AP2A2: variants seen among roughly 807,000 people sequenced by gnomAD.
The protein encoded by AP2A2 is AP-2 complex subunit alpha-2.
A neutral mutation model predicts 104.2 loss-of-function variants in AP2A2; 32 were observed. The ratio of observed to expected loss-of-function variants is 0.31; its 90% confidence interval spans 0.23 to 0.41. The LOEUF (loss-of-function observed/expected upper bound fraction) is 0.41, where lower values mean the gene tolerates loss of function less well. AP2A2 is among the 10% of genes least tolerant of loss of function. AP2A2 has a pLI of 1.00. For missense variants in AP2A2, 912 were observed against 1,261.0 expected, an observed-to-expected ratio of 0.72 and a Z score of 4.19; for synonymous variants, 539 against 533.3, an observed-to-expected ratio of 1.01 and a Z score of -0.15.
At chr11:928,910 C>T (rs1853203105) in intron 1 of AP2A2, among the ~76,000 whole-genome samples, 1 of 152,150 alleles carries the variant, frequency 6.6e-6, no homozygotes, top group East Asian at 1.9e-4. Flanking sequence ...GGCCCCATCT[C>T]CCCCACTGCC....
intron 1 of AP2A2, chr11:933,436 C>T: frequency 2.3e-6 from 1 of 435,326 alleles, no homozygotes. Flanking sequence ...TCTTGAAAAG[C>T]AGTATGTGCA....
chr11:959,057 G>A (rs1253282332), intron 1 of AP2A2, among the ~76,000 whole-genome samples: 1 of 152,242 alleles, frequency 6.6e-6, no homozygotes, highest in African/African-American at 2.4e-5. Flanking sequence ...AAACCTCCGT[G>A]TTATTAGCGG....
chr11:966,263 C>T (rs1854614076), intron 2 of AP2A2, among the ~76,000 whole-genome samples: 1 of 152,142 alleles, frequency 6.6e-6, no homozygotes, highest in South Asian at 2.1e-4. Context: ...GAGGCCGAGG[C>T]AGGCAGATCA....
chr11:960,929 A>G (rs189578302), intron 2 of AP2A2, among the ~76,000 whole-genome samples: 1 of 150,722 alleles, frequency 6.6e-6, no homozygotes, highest in Non-Finnish European at 1.5e-5. Context: ...AGAGTGCTGG[A>G]ATTACAGGCG....
At chr11:973,371 A>T (rs1254094764) in intron 4 of AP2A2, among the ~76,000 whole-genome samples, 1 of 152,122 alleles carries the variant, frequency 6.6e-6, no homozygotes, top group Non-Finnish European at 1.5e-5. Context: ...ATCAGCTGTG[A>T]GGTGAGGACG....
Position 992,812 on chromosome 11 carries a change from C to T in AP2A2, c.1452+127C>T, listed in dbSNP as rs865842751. ...TGCTGACCCCTCTTGCCCCTCAGCT[C>T]TTCCCTGAGGCTCTAGCTCCTCCAC... On this transcript the variant is annotated intron_variant, in intron 11 of 21. Coordinates refer to ENST00000448903, the MANE Select transcript of AP2A2 (RefSeq NM_012305.4). This position sits in a 1 kb window ranked among gnomAD's most constrained non-coding sequence, Gnocchi z 6.4. The T allele has an allele frequency of 1.5e-5, 14 of 955,144 alleles. No homozygotes were observed. Among genetic ancestry groups the T allele is most frequent in the Middle Eastern group, 6.4e-4 (2 of 3,148 alleles). The allele number at this position is 955,144 out of a possible 1,614,324, so 59.2% of individuals were successfully genotyped here. A position where few individuals can be genotyped will look rare whatever the true frequency, so the allele number is the denominator to read the frequency against.
chr11:981,239 A>G lies in AP2A2; in HGVS notation c.645A>G (p.Ala215=). 6.2e-7 allele frequency: 1 copy of G among 1,613,714 alleles called. No individual in the cohort carries two copies. The highest frequency in any genetic ancestry group is 2.2e-5 in the East Asian group (1 of 44,884). The change falls in exon 6 of 22, where the codon GCA becomes GCG. Residue 215 remains alanine, a synonymous_variant. Transcript: ENST00000448903. ...CCACAAGTCTGATCACCACTTTAGC[A>G]CAGAAGAACCCAGAAGAGTTTAAAA... The part of the protein sequence containing the change: ...TAATSLITTL[A]QKNPEEFKTS...
intron 1 of AP2A2, among the ~76,000 whole-genome samples, chr11:954,498 ATTTGTG>A (rs764518061): frequency 4.0e-5 from 6 of 150,990 alleles, no homozygotes; most frequent in Non-Finnish European, 8.9e-5. Context: ...TATATGTTGT[ATTTGTG>A]TTTGTGTACG....
intron 2 of AP2A2, among the ~76,000 whole-genome samples, chr11:966,243 A>G (rs1854613402): frequency 1.3e-5 from 2 of 152,212 alleles, no homozygotes; most frequent in Non-Finnish European, 2.9e-5. Flanking sequence ...CTATAATCCT[A>G]GCACTTTGGG....
chr11:936,251 C>A (rs143182022), intron 1 of AP2A2, among the ~76,000 whole-genome samples: 3 of 134,126 alleles, frequency 2.2e-5, no homozygotes, highest in Non-Finnish European at 4.7e-5. Context: ...GTCTTGCTGT[C>A]GCCCAGGCTG....
chr11:966,347 A>C (rs1396909586), intron 2 of AP2A2, among the ~76,000 whole-genome samples: 1 of 152,090 alleles, frequency 6.6e-6, no homozygotes, highest in Admixed American at 6.5e-5. Flanking sequence ...AAGTACAAAA[A>C]ATTAGCCGTG....
At chr11:996,462 CTTATTTGATG>C (rs1855861278) in intron 14 of AP2A2, among the ~76,000 whole-genome samples, 1 of 152,174 alleles carries the variant, frequency 6.6e-6, no homozygotes, top group South Asian at 2.1e-4. Context: ...CTCTTTGGTT[CTTATTTGATG>C]TTTCTTTTTA....
At chr11:1,002,900 G>A (rs965865486) in intron 15 of AP2A2, among the ~76,000 whole-genome samples, 1 of 152,174 alleles carries the variant, frequency 6.6e-6, no homozygotes, top group South Asian at 2.1e-4. Context: ...GGGAGGGGGC[G>A]GTGCCATGAC....
chr11:935,059 A>ATTTT (rs35731432), intron 1 of AP2A2, among the ~76,000 whole-genome samples: 5 of 134,858 alleles, frequency 3.7e-5, no homozygotes, highest in South Asian at 2.4e-4. Flanking sequence ...GGGTTTCACC[A>ATTTT]TTTTTTTTTT....
At chr11:1,004,276 T>A (rs6597949) in intron 16 of AP2A2, among the ~76,000 whole-genome samples, 1 of 151,878 alleles carries the variant, frequency 6.6e-6, no homozygotes, top group Non-Finnish European at 1.5e-5. Flanking sequence ...AGTTCGAGAC[T>A]GGCCTGGCTA....
In AP2A2 at chr11:993,919, C is replaced by T. The variant is rs529892312; in HGVS notation, c.1716C>T (p.Asp572=). ...GCGACAGCCAGCTCAGGAACGCAGACGTGGAGCTGCAGCAGCGTGCTGTGG... is the reference window on the plus strand; with the variant it reads ...GCGACAGCCAGCTCAGGAACGCAGATGTGGAGCTGCAGCAGCGTGCTGTGG... ...LRSDSQLRNA[D]VELQQRAVEY... The change falls in exon 13 of 22, where the codon GAC becomes GAT. Residue 572 remains aspartate (D), a synonymous_variant. Coordinates refer to ENST00000448903, the MANE Select transcript of AP2A2 (RefSeq NM_012305.4). This position sits in a 1 kb window ranked among gnomAD's most constrained non-coding sequence, Gnocchi z 8.2. 3.9e-5 allele frequency: 63 copies of T among 1,612,010 alleles called. No homozygotes were observed. Among genetic ancestry groups the T allele is most frequent in the East Asian group, 4.5e-5 (2 of 44,858 alleles).
At chr11:945,485 A>G (rs1234985109) in intron 1 of AP2A2, among the ~76,000 whole-genome samples, 1 of 152,134 alleles carries the variant, frequency 6.6e-6, no homozygotes, top group Non-Finnish European at 1.5e-5. Context: ...GAGTGCTGCC[A>G]CCACGCCTGG....
chr11:994,179 C>T lies in AP2A2; in HGVS notation c.1890C>T (p.Thr630=). Residue 630 remains threonine (T), a synonymous_variant, in exon 14 of 22, where the codon ACC becomes ACT. Transcript: ENST00000448903. ...GPSTVTDLED[T]KRDRSVDVNG... ...GCACGGTGACAGACCTGGAGGACAC[C>T]AAGCGGGACAGGAGTGTGGACGTGA... The T allele has an allele frequency of 1.9e-6, 3 of 1,613,050 alleles. No individual in the cohort carries two copies. The highest frequency in any genetic ancestry group is 2.5e-6 in the Non-Finnish European group (3 of 1,179,860).
At chr11:973,130 G>A (rs568080499) in intron 4 of AP2A2, among the ~76,000 whole-genome samples, 9 of 152,316 alleles carry the variant, frequency 5.9e-5, no homozygotes, top group African/African-American at 1.7e-4. Context: ...CTCAGGCCAC[G>A]GGAGAGTGGG....
Sources: gnomAD v4.1 joint callset for allele counts (sites outside exome capture counted in the v4.1 genomes callset) on GRCh38, gnomAD v4.1.1 for gene constraint, Gnocchi (gnomAD v3.1) non-coding constraint, MANE v1.5 for transcripts, NCBI Gene and HGNC (gene_info 2026-07-23, HGNC 2026-07-21) for gene names.